Variants in SLC24A3 observed in about 807,000 individuals in gnomAD.
SLC24A3 encodes solute carrier family 24 member 3.
A neutral mutation model predicts 75.8 loss-of-function variants in SLC24A3; 28 were observed. That is an observed-to-expected ratio of 0.37 (90% CI 0.27 to 0.51). The LOEUF (loss-of-function observed/expected upper bound fraction) is 0.51. Ranked by LOEUF, SLC24A3 falls within the 20% of genes least tolerant of loss-of-function variation. SLC24A3 has a pLI of 0.94. For synonymous variants in SLC24A3, 372 were observed against 334.1 expected, an observed-to-expected ratio of 1.11 and a Z score of -1.24; for missense variants, 663 against 847.8, an observed-to-expected ratio of 0.78 and a Z score of 2.71.
At chr20:19,540,146 C>T (rs777312433) in intron 3 of SLC24A3, among the ~76,000 whole-genome samples, 9 of 152,244 alleles carry the variant, frequency 5.9e-5, no homozygotes, top group Admixed American at 1.3e-4. Flanking sequence ...CAGTGTCCTT[C>T]GGTTCAAAGT....
intron 2 of SLC24A3, among the ~76,000 whole-genome samples, chr20:19,461,977 G>A (rs1277473127): frequency 6.6e-6 from 1 of 152,130 alleles, no homozygotes; most frequent in Admixed American, 6.5e-5. Flanking sequence ...TTGAATTCAG[G>A]CGTTCTGACT....
intron 2 of SLC24A3, among the ~76,000 whole-genome samples, chr20:19,506,866 A>T (rs1406987050): frequency 6.6e-6 from 1 of 152,154 alleles, no homozygotes; most frequent in East Asian, 1.9e-4. Context: ...TGATTTAATA[A>T]ATTTTCCAAT....
intron 2 of SLC24A3, among the ~76,000 whole-genome samples, chr20:19,446,148 A>G (rs1173786245): frequency 6.6e-6 from 1 of 152,182 alleles, no homozygotes; most frequent in Non-Finnish European, 1.5e-5. Context: ...ACCCTTAAGA[A>G]CATTCAGGAA....
rs184861399 is a variant in SLC24A3, at chr20:19,558,755, T to C, written c.349-21245T>C. Among the ~76,000 whole-genome samples the C allele has an allele frequency of 4.6e-5, 7 of 152,324 alleles. No individual in the cohort carries two copies. The East Asian group carries it at 1.3e-3, about 29-fold the overall frequency. On this transcript the variant is annotated intron_variant, in intron 3 of 16. Transcript: ENST00000328041. ...GTGTTGATATGCCTTATTACTGATA[T>C]ATAATGCTTTTGAGATCCATCCATA...
intron 1 of SLC24A3, among the ~76,000 whole-genome samples, chr20:19,240,594 C>T (rs919338084): frequency 8.5e-5 from 13 of 152,278 alleles, no homozygotes; most frequent in South Asian, 2.1e-4. Flanking sequence ...TCTCAGACCT[C>T]CTTCTGTGGG....
chr20:19,413,617 C>G (rs977460522), intron 2 of SLC24A3, among the ~76,000 whole-genome samples: 1 of 152,102 alleles, frequency 6.6e-6, no homozygotes, highest in Non-Finnish European at 1.5e-5. Context: ...CACTTTCCCC[C>G]CAACCTCACC....
chr20:19,524,994 G>A (rs1460753393), intron 3 of SLC24A3, among the ~76,000 whole-genome samples: 1 of 152,154 alleles, frequency 6.6e-6, no homozygotes, highest in Non-Finnish European at 1.5e-5. Context: ...TTGTCTCTTT[G>A]CCAATAGTTT....
chr20:19,351,612 C>G (rs1043349341), intron 2 of SLC24A3, among the ~76,000 whole-genome samples: 4 of 152,144 alleles, frequency 2.6e-5, no homozygotes, highest in Admixed American at 2.6e-4. Flanking sequence ...TCCCAGCCTC[C>G]CCTAGGACTC....
chr20:19,296,087 A>T (rs1006926091), intron 2 of SLC24A3, among the ~76,000 whole-genome samples: 2 of 151,968 alleles, frequency 1.3e-5, no homozygotes, highest in Non-Finnish European at 2.9e-5. Context: ...CAATCTTGGG[A>T]TGGTGTATGT....
At chr20:19,257,636 T>G (rs538519857) in intron 1 of SLC24A3, 1 of 152,336 alleles carries the variant, frequency 6.6e-6, no homozygotes, top group African/African-American at 2.4e-5. Flanking sequence ...TACCTTTTTC[T>G]GGGTGCTGGA....
chr20:19,717,438 A>C (rs1018175645), intron 15 of SLC24A3, 90 bp from the exon 16 acceptor site: 48 of 1,293,204 alleles, frequency 3.7e-5, no homozygotes, highest in Non-Finnish European at 5.1e-5. Context: ...ACTGCTACTC[A>C]GAGTTGCGTA....
chr20:19,669,072 C>T (rs2424245), intron 8 of SLC24A3, among the ~76,000 whole-genome samples: 31,184 of 152,120 alleles, frequency 0.2, 4,113 homozygotes, highest in African/African-American at 0.38. Flanking sequence ...TGGGGTCAGG[C>T]GCACCCTCTT....
At chr20:19,661,224 T>C (rs900245662) in intron 7 of SLC24A3, among the ~76,000 whole-genome samples, 37 of 152,190 alleles carry the variant, frequency 2.4e-4, no homozygotes, top group African/African-American at 8.7e-4. Flanking sequence ...TTCATATATT[T>C]ATACAACATG....
At chr20:19,255,730 G>A (rs1288812974) in intron 1 of SLC24A3, among the ~76,000 whole-genome samples, 2 of 152,208 alleles carry the variant, frequency 1.3e-5, no homozygotes, top group African/African-American at 2.4e-5. Context: ...TGCTAGATGA[G>A]ATGTGCTGTG....
intron 6 of SLC24A3, among the ~76,000 whole-genome samples, chr20:19,591,939 G>A (rs2031384153): frequency 1.3e-5 from 2 of 152,218 alleles, no homozygotes; most frequent in Non-Finnish European, 2.9e-5. Flanking sequence ...AGGTCTTGCT[G>A]TGGACATATG....
intron 1 of SLC24A3, among the ~76,000 whole-genome samples, chr20:19,232,957 G>A (rs565862844): frequency 4.9e-4 from 75 of 152,286 alleles, no homozygotes; most frequent in Admixed American, 3.5e-3. Flanking sequence ...AAAATGAATC[G>A]ACTTGGAAAC....
chr20:19,547,435 G>T (rs1156399320), intron 3 of SLC24A3, among the ~76,000 whole-genome samples: 1 of 152,212 alleles, frequency 6.6e-6, no homozygotes, highest in Non-Finnish European at 1.5e-5. Context: ...GGTGATGGAA[G>T]TGTTCTAAAA....
chr20:19,491,736 G>A (rs1346604169), intron 2 of SLC24A3, among the ~76,000 whole-genome samples: 1 of 152,196 alleles, frequency 6.6e-6, no homozygotes, highest in Admixed American at 6.5e-5. Flanking sequence ...TGGGAAAGGA[G>A]TGGGAGAGGA....
chr20:19,366,884 T>C (rs1985901264), intron 2 of SLC24A3, among the ~76,000 whole-genome samples: 1 of 150,900 alleles, frequency 6.6e-6, no homozygotes, highest in African/African-American at 2.4e-5. Flanking sequence ...ACCCTGCACC[T>C]GACCACCATT....
Sources: allele counts gnomAD v4.1 joint callset (sites outside exome capture counted in the v4.1 genomes callset), GRCh38; gene constraint gnomAD v4.1.1; transcripts MANE v1.5; gene names NCBI Gene and HGNC (gene_info 2026-07-23, HGNC 2026-07-21).